RMDN1: variants seen among roughly 807,000 people sequenced by gnomAD.
The protein encoded by RMDN1 is regulator of microtubule dynamics protein 1.
RMDN1 carries 48 observed loss-of-function variants against 48.9 expected under a neutral mutation model. That is an observed-to-expected ratio of 0.98 (90% CI 0.78 to 1.25). The LOEUF (loss-of-function observed/expected upper bound fraction) is 1.25. Among genes scored for constraint, RMDN1 ranks in the 50% most tolerant of loss-of-function variants. The probability of loss-of-function intolerance (pLI) is 0.00; values close to 1 mark genes in which losing one functional copy is unlikely to be tolerated. For synonymous variants in RMDN1, 148 were observed against 132.6 expected (o/e 1.12, Z -0.80); for missense variants, 418 against 373.4 (o/e 1.12, Z -0.98).
At chr8:86,508,978 A>G (rs1479864682), upstream of RMDN1, among the ~76,000 whole-genome samples, 1 of 152,178 alleles carries the variant, frequency 6.6e-6, no homozygotes, top group Non-Finnish European at 1.5e-5. Flanking sequence ...AAGCTCGGAA[A>G]TAGACCCGAG....
chr8:86,488,579 T>TA lies in RMDN1; in HGVS notation c.307dup (p.Tyr103LeufsTer11), dbSNP rs747196042. 26 of 1,610,346 alleles carry TA rather than the reference T, an allele frequency of 1.6e-5. No individual in the cohort carries two copies. The highest frequency in any genetic ancestry group is 2.2e-5 in the South Asian group (2 of 90,628). On this transcript the variant is annotated frameshift_variant, in exon 3 of 10. Transcript: ENST00000406452. LOFTEE classifies it high-confidence loss of function. ...TTCCTTGTATTGGGTTAGCAACTGATAAAGTTTTTCTGTTTCTCCGCTTTC... is the reference window on the plus strand; with the variant it reads ...TTCCTTGTATTGGGTTAGCAACTGATAAAAGTTTTTCTGTTTCTCCGCTTTC...
intron 1 of RMDN1, 135 bp downstream of exon 1, chr8:86,508,357 G>A: frequency 1.0e-6 from 1 of 954,928 alleles, no homozygotes; most frequent in Non-Finnish European, 1.5e-6. Flanking sequence ...GGCGTTCCAG[G>A]CACAGTGGCC....
chr8:86,509,775 A>G (rs1819947409), upstream of RMDN1, among the ~76,000 whole-genome samples: 1 of 151,982 alleles, frequency 6.6e-6, no homozygotes, highest in South Asian at 2.1e-4. Context: ...TATGATTGCT[A>G]CCTCCACTAG....
rs1200484028 is a variant in RMDN1 at position 86,473,149 on chromosome 8, T to G, written c.*1159A>C. On this transcript the variant is annotated 3_prime_UTR_variant, in exon 10 of 10. Transcript: ENST00000406452. ...GTATACAAAGATCACTACTTTCAGT[T>G]TTCCTTTTTGTTTGAAAATGTACAT... 6 of 985,246 alleles carry G rather than the reference T, an allele frequency of 6.1e-6. No homozygotes were observed. The African/African-American group carries it at 1.0e-4, about 17-fold the overall frequency. The allele number at this position is 985,246 out of a possible 1,614,324, so 61.0% of individuals were successfully genotyped here.
At chr8:86,485,163 G>C (rs964333549) in intron 4 of RMDN1, among the ~76,000 whole-genome samples, 1 of 152,196 alleles carries the variant, frequency 6.6e-6, no homozygotes, top group Non-Finnish European at 1.5e-5. Flanking sequence ...GGGCGCAGTG[G>C]CTCACGCCTG....
chr8:86,471,950 T>C (rs1311683441), downstream of RMDN1, among the ~76,000 whole-genome samples: 1 of 152,188 alleles, frequency 6.6e-6, no homozygotes, highest in Non-Finnish European at 1.5e-5. Flanking sequence ...CAATGTATAA[T>C]CTTTGGATCC....
downstream of RMDN1, among the ~76,000 whole-genome samples, chr8:86,471,247 A>G (rs1812536151): frequency 1.3e-5 from 2 of 151,922 alleles, no homozygotes; most frequent in South Asian, 4.2e-4. Flanking sequence ...CCTCCATAAA[A>G]AGCTTTATTA....
chr8:86,503,366 C>CA (rs1354324383), intron 2 of RMDN1, among the ~76,000 whole-genome samples: 31 of 70,456 alleles, frequency 4.4e-4, no homozygotes, highest in South Asian at 1.6e-3. Flanking sequence ...CAAAACAAAA[C>CA]AAAACAAAAA....
downstream of RMDN1, among the ~76,000 whole-genome samples, chr8:86,470,581 C>T (rs1812460445): frequency 6.6e-6 from 1 of 152,088 alleles, no homozygotes; most frequent in African/African-American, 2.4e-5. Flanking sequence ...TCTATGTAGA[C>T]ATAAAAACCT....
intron 3 of RMDN1, among the ~76,000 whole-genome samples, chr8:86,487,878 G>A (rs1257506430): frequency 3.9e-5 from 6 of 152,132 alleles, no homozygotes; most frequent in African/African-American, 1.4e-4. Context: ...GGGTCCTGGG[G>A]AGAAAACTGG....
intron 2 of RMDN1, 117 bp downstream of exon 2, chr8:86,506,878 T>A: frequency 1.6e-6 from 1 of 634,934 alleles, no homozygotes; most frequent in Non-Finnish European, 2.8e-6. Context: ...ATTGTGAATA[T>A]TTCCATATGG....
At chr8:86,503,992 C>G (rs1586775456) in intron 2 of RMDN1, 2 of 774,290 alleles carry the variant, frequency 2.6e-6, no homozygotes, top group East Asian at 4.9e-5. Flanking sequence ...AGGTTTTATG[C>G]CCATGTACAT....
At chr8:86,509,945 T>A (rs186358977), upstream of RMDN1, among the ~76,000 whole-genome samples, 5 of 152,204 alleles carry the variant, frequency 3.3e-5, no homozygotes, top group Non-Finnish European at 5.9e-5. Flanking sequence ...CCCCTCAACA[T>A]TGCTAAATGT....
intron 2 of RMDN1, chr8:86,504,685 C>A: frequency 1.1e-6 from 1 of 874,490 alleles, no homozygotes; most frequent in South Asian, 1.3e-5. Context: ...TTTATCGGGG[C>A]TATCTTGGTC....
intron 1 of RMDN1, chr8:86,514,182 C>G (rs889511332): frequency 2.3e-6 from 2 of 856,768 alleles, no homozygotes; most frequent in Non-Finnish European, 2.8e-6. Flanking sequence ...CATAAATTTT[C>G]TCAAATATTT....
downstream of RMDN1, chr8:86,470,261 A>C: frequency 7.0e-6 from 9 of 1,289,410 alleles, no homozygotes; most frequent in Non-Finnish European, 9.1e-6. Flanking sequence ...TCAATCCAGC[A>C]GTCAGCTCTG....
intron 2 of RMDN1, among the ~76,000 whole-genome samples, chr8:86,491,993 C>A (rs1563627995): frequency 6.6e-6 from 1 of 152,152 alleles, no homozygotes; most frequent in Non-Finnish European, 1.5e-5. Context: ...TAAGGCAATT[C>A]TTTCATACCA....
chr8:86,492,523 G>A (rs556576018), intron 2 of RMDN1, among the ~76,000 whole-genome samples: 1 of 152,076 alleles, frequency 6.6e-6, no homozygotes, highest in African/African-American at 2.4e-5. Flanking sequence ...CATGGTGGCA[G>A]GTGCCTATGA....
intron 5 of RMDN1, among the ~76,000 whole-genome samples, chr8:86,483,657 G>A (rs1371290854): frequency 6.6e-6 from 1 of 152,110 alleles, no homozygotes; most frequent in Non-Finnish European, 1.5e-5. Context: ...TGGACTCCCA[G>A]TCATTCTTTT....
Sources: allele counts gnomAD v4.1 joint callset (sites outside exome capture counted in the v4.1 genomes callset), GRCh38; gene constraint gnomAD v4.1.1; transcripts MANE v1.5; gene names NCBI Gene and HGNC (gene_info 2026-07-23, HGNC 2026-07-21).